NDE1: variants seen among roughly 807,000 people sequenced by gnomAD.
NDE1 encodes the protein nudE neurodevelopment protein 1.
NDE1 carries 28 observed loss-of-function variants against 43.4 expected under a neutral mutation model. That is an observed-to-expected ratio of 0.65 (90% CI 0.48 to 0.89). The LOEUF is 0.89. Among genes scored for constraint, NDE1 ranks in the 40% least tolerant of loss-of-function variants. The pLI, the probability that NDE1 is intolerant of heterozygous loss-of-function variation, is 0.00. For missense variants in NDE1, 441 were observed against 434.1 expected, an observed-to-expected ratio of 1.02 and a Z score of -0.14; for synonymous variants, 184 against 172.0, an observed-to-expected ratio of 1.07 and a Z score of -0.55.
intron 1 of NDE1, chr16:15,651,498 G>A (rs138689353): frequency 0.03 from 4,478 of 149,974 alleles, 89 homozygotes; most frequent in Non-Finnish European, 0.051. Context: ...TTGGAGTGCA[G>A]TGGTGCGATT....
chr16:15,714,845 C>G, intron 8 of NDE1: 2 of 1,599,292 alleles, frequency 1.3e-6, no homozygotes, highest in Non-Finnish European at 1.7e-6. Flanking sequence ...CGAAAGGAGC[C>G]CGAGCCCCCA....
intron 8 of NDE1, among the ~76,000 whole-genome samples, chr16:15,707,034 T>C (rs1437514024): frequency 6.6e-6 from 1 of 152,108 alleles, no homozygotes; most frequent in Non-Finnish European, 1.5e-5. Flanking sequence ...GGTCTGATCC[T>C]GGAGAATCTG....
chr16:15,711,686 C>T (rs2039804073), intron 8 of NDE1, among the ~76,000 whole-genome samples: 2 of 152,036 alleles, frequency 1.3e-5, no homozygotes, highest in Non-Finnish European at 2.9e-5. Flanking sequence ...CTGGTGCTGT[C>T]CTAGACACTG....
At chr16:15,662,231 A>G (rs1381142375) in intron 1 of NDE1, among the ~76,000 whole-genome samples, 1 of 144,892 alleles carries the variant, frequency 6.9e-6, no homozygotes, top group African/African-American at 2.6e-5. Flanking sequence ...GAGCCACTGT[A>G]CCTGGCCTAT....
Position 15,718,497 on chromosome 16 carries a change from C to T in NDE1, c.948-5694C>T, listed in dbSNP as rs75982287. The T allele has an allele frequency of 2.9e-4, 452 of 1,534,208 alleles. 1 individual carries two copies. In the African/African-American group the frequency reaches 5.5e-3, roughly 19 times the overall value. On this transcript the variant is annotated intron_variant, in intron 8 of 8. Transcript: ENST00000396354. Reference sequence around the variant, plus strand: ...CCCTCCCCCGCCTTAAAAGATGCCCCCTCCTTGGAGTCATGCCTCAGGGGT... The same window carrying T: ...CCCTCCCCCGCCTTAAAAGATGCCCTCTCCTTGGAGTCATGCCTCAGGGGT...
At chr16:15,662,592 T>G (rs2037103692) in intron 1 of NDE1, among the ~76,000 whole-genome samples, 1 of 151,928 alleles carries the variant, frequency 6.6e-6, no homozygotes, top group South Asian at 2.1e-4. Context: ...CTCTTTTCTT[T>G]TTTAAATAGG....
At chr16:15,708,225 C>T (rs148558167) in intron 8 of NDE1, among the ~76,000 whole-genome samples, 340 of 152,292 alleles carry the variant, frequency 2.2e-3, no homozygotes, top group African/African-American at 7.3e-3. Context: ...TGTCAGACAT[C>T]GCAGTGAGCT....
intron 8 of NDE1, among the ~76,000 whole-genome samples, chr16:15,705,811 C>T (rs929557120): frequency 6.6e-6 from 1 of 151,792 alleles, no homozygotes; most frequent in East Asian, 1.9e-4. Flanking sequence ...GAAACCGTGT[C>T]TCTACTAAAA....
At chr16:15,703,965 C>T (rs377591580) in intron 8 of NDE1, 5 of 1,613,400 alleles carry the variant, frequency 3.1e-6, no homozygotes, top group African/African-American at 2.7e-5. Flanking sequence ...GTTTTCTTGC[C>T]GTGGTGCAAA....
At chr16:15,679,776 TTTTTTG>T (rs978781325) in intron 4 of NDE1, among the ~76,000 whole-genome samples, 74 of 146,362 alleles carry the variant, frequency 5.1e-4, no homozygotes, top group African/African-American at 1.8e-3. Flanking sequence ...CTATTAGTTG[TTTTTTG>T]TTTTTGTTTT....
At chr16:15,689,562 GTA>G (rs2038623791) in intron 5 of NDE1, among the ~76,000 whole-genome samples, 1 of 152,152 alleles carries the variant, frequency 6.6e-6, no homozygotes, top group African/African-American at 2.4e-5. Flanking sequence ...ACAACATATT[GTA>G]TGTTTCCAGT....
intron 3 of NDE1, among the ~76,000 whole-genome samples, chr16:15,672,930 G>A (rs1488165079): frequency 1.3e-5 from 2 of 152,168 alleles, no homozygotes; most frequent in African/African-American, 2.4e-5. Flanking sequence ...TGCTGCGGGC[G>A]GCAGCAGGGA....
chr16:15,711,418 T>G (rs1768862583), intron 8 of NDE1: 1 of 152,240 alleles, frequency 6.6e-6, no homozygotes, highest in Non-Finnish European at 1.5e-5. Context: ...GATCAAGTTG[T>G]GGCCACAATA....
chr16:15,684,963 C>G (rs1204126252), intron 4 of NDE1, among the ~76,000 whole-genome samples: 2 of 152,170 alleles, frequency 1.3e-5, no homozygotes, highest in African/African-American at 4.8e-5. Context: ...TCTGATCATT[C>G]TTGTTTCATT....
Position 15,724,755 on chromosome 16 carries a change from C to A in NDE1, c.*504C>A. The A allele has an allele frequency of 6.2e-7, 1 of 1,614,136 alleles. No individual in the cohort carries two copies. The highest frequency in any genetic ancestry group is 8.5e-7 in the Non-Finnish European group (1 of 1,180,028). On this transcript the variant is annotated 3_prime_UTR_variant, in exon 9 of 9. Transcript: ENST00000396354. ...GCTCCTCCTCCAGCTGGCGCAGCTTCGTAGACACGTTGAGCTTCTGCCGGG... is the reference window on the plus strand; with the variant it reads ...GCTCCTCCTCCAGCTGGCGCAGCTTAGTAGACACGTTGAGCTTCTGCCGGG...
chr16:15,694,787 C>G (rs927758330), intron 7 of NDE1: 4 of 985,290 alleles, frequency 4.1e-6, no homozygotes, highest in Non-Finnish European at 4.8e-6. Flanking sequence ...ATGTATGTCT[C>G]TTTCCTTTTA....
chr16:15,716,588 C>G (rs1366184539), intron 8 of NDE1, among the ~76,000 whole-genome samples: 1 of 152,098 alleles, frequency 6.6e-6, no homozygotes, highest in African/African-American at 2.4e-5. Context: ...GTGGCACAAT[C>G]TCGGCTCACT....
chr16:15,705,849 C>T lies in NDE1; in HGVS notation c.947+8989C>T, dbSNP rs559805287. Among the ~76,000 whole-genome samples, 58 of 151,790 alleles carry T rather than the reference C, an allele frequency of 3.8e-4. 1 individual carries two copies. The South Asian group carries it at 0.011, about 28-fold the overall frequency. On this transcript the variant is annotated intron_variant, in intron 8 of 8. Coordinates refer to ENST00000396354, the MANE Select transcript of NDE1 (RefSeq NM_017668.3). ...ACAAAAAATTAGCCGGGCGTGCTGGCGGGTGCCTGTAGTCCCAGCTACTCG... is the reference window on the plus strand; with the variant it reads ...ACAAAAAATTAGCCGGGCGTGCTGGTGGGTGCCTGTAGTCCCAGCTACTCG...
chr16:15,656,491 A>G (rs1276072450), intron 1 of NDE1, among the ~76,000 whole-genome samples: 3 of 152,074 alleles, frequency 2.0e-5, no homozygotes, highest in Non-Finnish European at 4.4e-5. Flanking sequence ...CCTGGCCAAG[A>G]TAACAGTGTT....
Sources: allele counts gnomAD v4.1 joint callset (sites outside exome capture counted in the v4.1 genomes callset), GRCh38; gene constraint gnomAD v4.1.1; transcripts MANE v1.5; gene names NCBI Gene and HGNC (gene_info 2026-07-23, HGNC 2026-07-21).